ADAMTS20: variants seen among roughly 807,000 people sequenced by gnomAD.
ADAMTS20 encodes A disintegrin and metalloproteinase with thrombospondin motifs 20.
In ADAMTS20, 225 loss-of-function variants were observed where a neutral mutation model predicts 260.1. The ratio of observed to expected loss-of-function variants is 0.87; its 90% CI spans 0.78 to 0.97. The LOEUF (loss-of-function observed/expected upper bound fraction) is 0.97, where lower values mean the gene tolerates loss of function less well. Ranked by LOEUF, ADAMTS20 falls within the 50% of genes least tolerant of loss-of-function variation. The pLI is 0.00. For synonymous variants in ADAMTS20, 802 were observed against 769.5 expected, an observed-to-expected ratio of 1.04 and a Z score of -0.70; for missense variants, 2,400 against 2,337.7, an observed-to-expected ratio of 1.03 and a Z score of -0.55.
intron 2 of ADAMTS20, among the ~76,000 whole-genome samples, chr12:43,542,980 C>A (rs1236297320): frequency 6.6e-6 from 1 of 152,140 alleles, no homozygotes; most frequent in Non-Finnish European, 1.5e-5. Flanking sequence ...AACCAAGGAT[C>A]TGGGCAATTG....
At chr12:43,470,603 G>C (rs1480165375) in intron 7 of ADAMTS20, among the ~76,000 whole-genome samples, 1 of 152,176 alleles carries the variant, frequency 6.6e-6, no homozygotes, top group South Asian at 2.1e-4. Flanking sequence ...ATGGGCCCAA[G>C]CTTGATACAG....
chr12:43,511,484 G>A (rs1462373059), intron 3 of ADAMTS20, among the ~76,000 whole-genome samples: 1 of 151,792 alleles, frequency 6.6e-6, no homozygotes, highest in Non-Finnish European at 1.5e-5. Context: ...AAATGTTCGT[G>A]GAAAGAAAGA....
At chr12:43,521,106 T>C (rs1943065833) in intron 3 of ADAMTS20, among the ~76,000 whole-genome samples, 1 of 152,184 alleles carries the variant, frequency 6.6e-6, no homozygotes, top group African/African-American at 2.4e-5. Flanking sequence ...GCTGTAAGGT[T>C]AAAAAGTTAA....
At chr12:43,501,875 C>A (rs1592099960) in intron 4 of ADAMTS20, among the ~76,000 whole-genome samples, 1 of 152,108 alleles carries the variant, frequency 6.6e-6, no homozygotes, top group East Asian at 1.9e-4. Flanking sequence ...CACTAGAGGG[C>A]AGAAGCCATT....
At chr12:43,429,096 T>C (rs1941391292) in intron 24 of ADAMTS20, among the ~76,000 whole-genome samples, 1 of 152,052 alleles carries the variant, frequency 6.6e-6, no homozygotes, top group Non-Finnish European at 1.5e-5. Context: ...TTAAAATATT[T>C]TAGGTAAGAG....
intron 3 of ADAMTS20, among the ~76,000 whole-genome samples, chr12:43,516,817 T>A (rs1217818755): frequency 6.6e-6 from 1 of 151,958 alleles, no homozygotes; most frequent in African/African-American, 2.4e-5. Context: ...ACAAACTAAA[T>A]TTTTTACTCT....
Position 43,551,372 on chromosome 12 carries a change from G to C in ADAMTS20, c.92-102C>G. 5 of 1,476,564 alleles carry C rather than the reference G, an allele frequency of 3.4e-6. No homozygotes were observed. Among genetic ancestry groups the C allele is most frequent in the Non-Finnish European group, 4.5e-6 (5 of 1,111,348 alleles). 91.5% of individuals were successfully genotyped at this position (1,476,564 alleles called of 1,614,324 possible). A position where few individuals can be genotyped will look rare whatever the true frequency, so the allele number is the denominator to read the frequency against. On this transcript the variant is annotated intron_variant, in intron 1 of 38. Transcript: ENST00000389420. The surrounding 1 kb of genome is among the most constrained non-coding windows in gnomAD (Gnocchi z 4.6). ...TCCCCGCTAAAGGTCCCAGGTCCCA[G>C]TACAGCCAGGGGCAAGACAAATGCA...
chr12:43,485,628 C>T (rs1942511919), intron 7 of ADAMTS20, among the ~76,000 whole-genome samples: 1 of 152,070 alleles, frequency 6.6e-6, no homozygotes, highest in Admixed American at 6.5e-5. Context: ...GGAAGTCAAA[C>T]TATCTCTGTT....
rs191458113 is a variant in ADAMTS20, at chr12:43,411,197, T to C, written c.4285-11964A>G. 5.3e-5 allele frequency among the ~76,000 whole-genome samples: 8 copies of C among 152,340 alleles called. No homozygotes were observed. In the East Asian group the frequency reaches 1.5e-3, roughly 29 times the overall value. On this transcript the variant is annotated intron_variant, in intron 28 of 38. Coordinates refer to ENST00000389420, the MANE Select transcript of ADAMTS20 (RefSeq NM_025003.5). ...GGGGCATCCTTTGACAGAAAGGGAT[T>C]CTGCTATCCTTTAGTCTTCAAAATT... is the stretch of plus-strand genomic sequence containing the variant.
At chr12:43,429,315 C>T (rs759367521) in intron 24 of ADAMTS20, among the ~76,000 whole-genome samples, 4 of 152,050 alleles carry the variant, frequency 2.6e-5, no homozygotes, top group Non-Finnish European at 5.9e-5. Context: ...AAATAAAAGC[C>T]GATACAGCCT....
intron 3 of ADAMTS20, among the ~76,000 whole-genome samples, chr12:43,526,468 T>C (rs571559606): frequency 7.3e-5 from 11 of 150,984 alleles, no homozygotes; most frequent in African/African-American, 2.2e-4. Context: ...AAAAAAAAAA[T>C]AGGAATCATA....
intron 28 of ADAMTS20, among the ~76,000 whole-genome samples, chr12:43,408,697 A>T (rs1354296181): frequency 6.6e-6 from 1 of 152,194 alleles, no homozygotes; most frequent in Non-Finnish European, 1.5e-5. Flanking sequence ...CTGAGGGGAG[A>T]ATGTTTTAGA....
chr12:43,447,236 A>G (rs1941779571), intron 14 of ADAMTS20, among the ~76,000 whole-genome samples: 1 of 152,176 alleles, frequency 6.6e-6, no homozygotes, highest in African/African-American at 2.4e-5. Context: ...TGATACAAAA[A>G]TCCTCAACAA....
At chr12:43,527,282 C>T (rs1943156340) in intron 3 of ADAMTS20, among the ~76,000 whole-genome samples, 1 of 152,064 alleles carries the variant, frequency 6.6e-6, no homozygotes, top group African/African-American at 2.4e-5. Context: ...AGAATTGGTA[C>T]CAATCCTAAT....
rs1940760303 is a variant in ADAMTS20, at chr12:43,399,170, TTTG to T, written c.4345_4347del (p.Gln1449del). 6 of 1,576,502 alleles carry T rather than the reference TTTG, an allele frequency of 3.8e-6. No homozygotes were observed. Among genetic ancestry groups the T allele is most frequent in the Non-Finnish European group, 5.2e-6 (6 of 1,159,400 alleles). On this transcript the variant is annotated inframe_deletion, in exon 29 of 39. Coordinates refer to ENST00000389420, the MANE Select transcript of ADAMTS20 (RefSeq NM_025003.5). ...CTGCAATTTGTGTCTTCTAATTTCC[TTTG>T]GAATTGGTCAATGCAAAACACTTCA...
chr12:43,419,470 T>G (rs1008688971), intron 28 of ADAMTS20, among the ~76,000 whole-genome samples: 24 of 152,160 alleles, frequency 1.6e-4, no homozygotes, highest in African/African-American at 5.5e-4. Flanking sequence ...ATATTAAGAA[T>G]GCTTATATAT....
At chr12:43,431,298 G>T in intron 22 of ADAMTS20, 34 bp downstream of exon 22, 1 of 1,601,188 alleles carries the variant, frequency 6.2e-7, no homozygotes, top group East Asian at 2.2e-5. Flanking sequence ...TGTAAAGATA[G>T]ATCAAATTAG....
chr12:43,394,671 T>C (rs970248281), intron 29 of ADAMTS20, among the ~76,000 whole-genome samples: 2 of 152,124 alleles, frequency 1.3e-5, no homozygotes, highest in African/African-American at 2.4e-5. Context: ...ACTTCATGTG[T>C]CCTTCTTGGC....
chr12:43,466,629 T>C (rs1234521665), intron 9 of ADAMTS20, 23 bp downstream of exon 9: 1 of 1,588,064 alleles, frequency 6.3e-7, no homozygotes, highest in East Asian at 2.2e-5. Flanking sequence ...ACATGTTCAA[T>C]TATTTAACAT....
Sources: allele counts gnomAD v4.1 joint callset (sites outside exome capture counted in the v4.1 genomes callset), GRCh38; gene constraint gnomAD v4.1.1; non-coding constraint Gnocchi (gnomAD v3.1); transcripts MANE v1.5; gene names NCBI Gene and HGNC (gene_info 2026-07-23, HGNC 2026-07-21).